Variants in MEIS1 observed in about 807,000 individuals in gnomAD.
The protein encoded by MEIS1 is homeobox protein Meis1.
MEIS1 carries 5 observed loss-of-function variants against 50.8 expected under a neutral mutation model. That is an observed-to-expected ratio of 0.10 (90% CI 0.05 to 0.21). The LOEUF is 0.21. Among genes scored for constraint, MEIS1 ranks in the 10% least tolerant of loss-of-function variants. MEIS1 has a pLI of 1.00. For missense variants in MEIS1, 318 were observed against 517.3 expected, an observed-to-expected ratio of 0.61 and a Z score of 3.74; for synonymous variants, 176 against 179.3, an observed-to-expected ratio of 0.98 and a Z score of 0.15.
At chr2:66,456,403 A>G (rs2103725783) in intron 6 of MEIS1, among the ~76,000 whole-genome samples, 1 of 152,316 alleles carries the variant, frequency 6.6e-6, no homozygotes, top group South Asian at 2.1e-4. Flanking sequence ...GACGTAAGAG[A>G]TGATTACATA....
At position 66,456,921 on chromosome 2, in the gene MEIS1, T is replaced by C. The variant is rs545809033; in HGVS notation, c.631-7188T>C. Among the ~76,000 whole-genome samples, 4 of 152,318 alleles carry C rather than the reference T, an allele frequency of 2.6e-5. No homozygotes were observed. The South Asian group carries it at 8.3e-4, about 32-fold the overall frequency. On this transcript the variant is annotated intron_variant, in intron 6 of 12. Coordinates refer to ENST00000272369, the MANE Select transcript of MEIS1 (RefSeq NM_002398.3). ...GCACAGTGTGGACTTAGAAAAGGTT[T>C]CTCTAAAGTATGCTATTTCACGTCC...
chr2:66,536,348 C>T (rs1350872515), intron 8 of MEIS1, among the ~76,000 whole-genome samples: 1 of 152,118 alleles, frequency 6.6e-6, no homozygotes, highest in Non-Finnish European at 1.5e-5. Context: ...ACATTATGTT[C>T]ACCAGGGTCT....
At chr2:66,470,491 C>T (rs1446941896) in intron 7 of MEIS1, among the ~76,000 whole-genome samples, 1 of 152,178 alleles carries the variant, frequency 6.6e-6, no homozygotes, top group Admixed American at 6.5e-5. Flanking sequence ...CTTTTATTGA[C>T]TCATCAAATG....
intron 7 of MEIS1, among the ~76,000 whole-genome samples, chr2:66,469,320 C>G (rs530034883): frequency 2.0e-5 from 3 of 152,216 alleles, no homozygotes; most frequent in South Asian, 2.1e-4. Context: ...CCCTCCACAC[C>G]AGCTTTTGTG....
At position 66,440,600 on chromosome 2, in the gene MEIS1, A is replaced by C; in HGVS notation, c.420A>C (p.Glu140Asp). The C allele has an allele frequency of 6.2e-7, 1 of 1,612,162 alleles. No individual in the cohort carries two copies. The highest frequency in any genetic ancestry group is 2.2e-5 in the East Asian group (1 of 44,852). The part of the protein sequence containing the change: ...AEKPLFSSNP[E>D]LDNLMIQAIQ... Reference sequence around the variant, plus strand: ...AACCTCTATTTTCTTCTAATCCAGAACTGGATAACTTGGTAAGAGCGGACC... The same window carrying C: ...AACCTCTATTTTCTTCTAATCCAGACCTGGATAACTTGGTAAGAGCGGACC... Residue 140 changes from glutamate (E) to aspartate (D), a missense_variant, in exon 4 of 13, where the codon GAA (glutamate) becomes GAC (aspartate). By Grantham distance (45) the Glu-to-Asp change is conservative. Coordinates refer to ENST00000272369, the MANE Select transcript of MEIS1 (RefSeq NM_002398.3).
chr2:66,521,323 A>G (rs993619462), intron 8 of MEIS1, among the ~76,000 whole-genome samples: 1 of 151,720 alleles, frequency 6.6e-6, no homozygotes, highest in Non-Finnish European at 1.5e-5. Context: ...TGCAGATCCT[A>G]ACTAAACCTT....
intron 7 of MEIS1, among the ~76,000 whole-genome samples, chr2:66,473,397 A>AAAAAAAAATAT: frequency 3.7e-5 from 4 of 107,614 alleles, no homozygotes; most frequent in African/African-American, 2.3e-4. Context: ...AAAAAAAAAA[A>AAAAAAAAATAT]ATATATATAT....
chr2:66,551,278 A>T (rs867945756), intron 9 of MEIS1, among the ~76,000 whole-genome samples: 1 of 152,150 alleles, frequency 6.6e-6, no homozygotes, highest in African/African-American at 2.4e-5. Context: ...TCTCGAATTG[A>T]CAGTGATATA....
In MEIS1 at chr2:66,547,003, G is replaced by A. The variant is rs142422102; in HGVS notation, c.889-940G>A. On this transcript the variant is annotated intron_variant, in intron 8 of 12. Transcript: ENST00000272369. Reference sequence around the variant, plus strand: ...ACTTTTCCATTCATAATAGAATAGAGGGTTGACTCTCAGAAGAATTTTATC... The same window carrying A: ...ACTTTTCCATTCATAATAGAATAGAAGGTTGACTCTCAGAAGAATTTTATC... 1.6e-4 allele frequency among the ~76,000 whole-genome samples: 25 copies of A among 152,252 alleles called. 1 individual carries two copies. The East Asian group carries it at 3.5e-3, about 21-fold the overall frequency.
intron 1 of MEIS1, 21 bp downstream of exon 1, chr2:66,435,889 G>C: frequency 1.3e-6 from 2 of 1,554,250 alleles, no homozygotes; most frequent in Non-Finnish European, 1.7e-6. Context: ...AAAAACAATT[G>C]TGGAACTCAA....
At chr2:66,559,081 G>T (rs1401261894) in intron 9 of MEIS1, among the ~76,000 whole-genome samples, 2 of 151,780 alleles carry the variant, frequency 1.3e-5, no homozygotes, top group South Asian at 2.1e-4. Context: ...GGCAGAAATT[G>T]CAGTGAGCTG....
At chr2:66,498,014 A>G (rs991956761) in intron 7 of MEIS1, among the ~76,000 whole-genome samples, 6 of 147,554 alleles carry the variant, frequency 4.1e-5, no homozygotes, top group African/African-American at 1.2e-4. Context: ...AAAAGAAAAC[A>G]ATAGAAAAAA....
Position 66,573,021 on chromosome 2 carries a change from C to T in MEIS1, c.*1813C>T, listed in dbSNP as rs190515322. On this transcript the variant is annotated 3_prime_UTR_variant, in exon 13 of 13. Coordinates refer to ENST00000272369, the MANE Select transcript of MEIS1 (RefSeq NM_002398.3). ...TCCAACAGAATTACTCATCTAATATCAGTGAAATTATTCTTGCACATAAAG... is the reference window on the plus strand; with the variant it reads ...TCCAACAGAATTACTCATCTAATATTAGTGAAATTATTCTTGCACATAAAG... 6.6e-6 allele frequency: 1 copy of T among 152,248 alleles called. No homozygotes were observed. Among genetic ancestry groups the T allele is most frequent in the African/African-American group, 2.4e-5 (1 of 41,532 alleles). 9.4% of individuals were successfully genotyped at this position (152,248 alleles called of 1,614,324 possible).
At chr2:66,561,024 A>G (rs1202348877) in intron 9 of MEIS1, among the ~76,000 whole-genome samples, 1 of 152,214 alleles carries the variant, frequency 6.6e-6, no homozygotes, top group Non-Finnish European at 1.5e-5. Flanking sequence ...TTTCACAAAG[A>G]AAGGGAGTGT....
chr2:66,465,674 C>T (rs1672618718), intron 7 of MEIS1, among the ~76,000 whole-genome samples: 1 of 152,146 alleles, frequency 6.6e-6, no homozygotes, highest in African/African-American at 2.4e-5. Flanking sequence ...TCATTTCTTG[C>T]TTTTCAAAAC....
intron 8 of MEIS1, among the ~76,000 whole-genome samples, chr2:66,531,932 TA>T (rs1027255189): frequency 0.013 from 1,844 of 145,228 alleles, 35 homozygotes; most frequent in African/African-American, 0.034. Context: ...GGCTCTCAGT[TA>T]AAAAAAAAAA....
chr2:66,549,967 C>T (rs1674880199), intron 9 of MEIS1, among the ~76,000 whole-genome samples: 1 of 152,190 alleles, frequency 6.6e-6, no homozygotes, highest in African/African-American at 2.4e-5. Flanking sequence ...AAATTCTATG[C>T]ACAGTCTCTG....
chr2:66,526,167 G>A (rs1209518346), intron 8 of MEIS1, among the ~76,000 whole-genome samples: 1 of 152,168 alleles, frequency 6.6e-6, no homozygotes, highest in Non-Finnish European at 1.5e-5. Context: ...CTCCAGTGTG[G>A]CTAAGATCTA....
chr2:66,476,549 T>C (rs1188855766), intron 7 of MEIS1, among the ~76,000 whole-genome samples: 1 of 152,182 alleles, frequency 6.6e-6, no homozygotes. Flanking sequence ...ACAGACAGTT[T>C]AGTATATCAT....
Sources: gnomAD v4.1 joint callset for allele counts (sites outside exome capture counted in the v4.1 genomes callset) on GRCh38, gnomAD v4.1.1 for gene constraint, MANE v1.5 for transcripts, NCBI Gene and HGNC (gene_info 2026-07-23, HGNC 2026-07-21) for gene names.